Variants in RSPH14 observed in about 807,000 individuals in gnomAD.
The protein encoded by RSPH14 is rhabdoid tumor deletion region gene 1.
RSPH14 carries 20 observed loss-of-function variants against 26.7 expected under a neutral mutation model. The ratio of observed to expected loss-of-function variants is 0.75; its 90% CI spans 0.53 to 1.09. The LOEUF (loss-of-function observed/expected upper bound fraction) is 1.09, where lower values mean the gene tolerates loss of function less well. RSPH14 is among the 50% of genes least tolerant of loss of function. RSPH14 has a pLI of 0.00. For synonymous variants in RSPH14, 177 were observed against 189.3 expected (o/e 0.93, Z 0.53); for missense variants, 449 against 457.2 (o/e 0.98, Z 0.16).
chr22:23,063,743 A>G (rs1206215514), intron 5 of RSPH14, among the ~76,000 whole-genome samples, 159 bp downstream of exon 5: 2 of 151,974 alleles, frequency 1.3e-5, no homozygotes, highest in Non-Finnish European at 1.5e-5. Flanking sequence ...TGGTCACCCT[A>G]GGGGAGAAGG....
chr22:23,165,027 C>A, the RSPH14 span, among the ~76,000 whole-genome samples: 1 of 152,080 alleles, frequency 6.6e-6, no homozygotes, highest in African/African-American at 2.4e-5. Context: ...TCTGTGGACA[C>A]CCCCACAGCT....
At chr22:23,164,710 C>T in the RSPH14 span, among the ~76,000 whole-genome samples, 1 of 152,290 alleles carries the variant, frequency 6.6e-6, no homozygotes, top group East Asian at 1.9e-4. Context: ...GCCGAAACGC[C>T]TTTTTCCTCT....
intron 4 of RSPH14, among the ~76,000 whole-genome samples, chr22:23,116,264 C>T (rs539586975): frequency 6.6e-6 from 1 of 152,336 alleles, no homozygotes; most frequent in African/African-American, 2.4e-5. Context: ...GTTGTGGGAA[C>T]GAGGAGTAAC....
intron 4 of RSPH14, among the ~76,000 whole-genome samples, chr22:23,111,364 G>A (rs114361700): frequency 1.3e-5 from 2 of 152,228 alleles, no homozygotes; most frequent in African/African-American, 2.4e-5. Flanking sequence ...AGAGGCAAGC[G>A]CACTGGACTC....
rs1043090019 is a variant in RSPH14, at chr22:23,086,080, C to T, written c.422-21947G>A. Among the ~76,000 whole-genome samples the T allele has an allele frequency of 1.3e-4, 20 of 152,378 alleles. 1 individual carries two copies. Among genetic ancestry groups the T allele is most frequent in the African/African-American group, 4.8e-4 (20 of 41,600 alleles). On this transcript the variant is annotated intron_variant, in intron 4 of 6. Transcript: ENST00000216036. ...TTTGTATTTAGATTACTTCTGTCTA[C>T]GGCGGGTGACCCTGGCTTTCCACTG...
At chr22:23,097,960 T>C (rs941629987) in intron 4 of RSPH14, among the ~76,000 whole-genome samples, 1 of 152,234 alleles carries the variant, frequency 6.6e-6, no homozygotes, top group Non-Finnish European at 1.5e-5. Context: ...TGCCCACAGG[T>C]GTGCTGGACA....
At chr22:23,113,771 C>G (rs2146370773) in intron 4 of RSPH14, among the ~76,000 whole-genome samples, 1 of 152,356 alleles carries the variant, frequency 6.6e-6, no homozygotes, top group Admixed American at 6.5e-5. Flanking sequence ...CCCAGACCCC[C>G]TCGGCAGCAC....
the RSPH14 span, chr22:23,155,919 G>T: frequency 6.5e-7 from 1 of 1,537,488 alleles, no homozygotes; most frequent in Non-Finnish European, 8.8e-7. Flanking sequence ...AAGACACTGT[G>T]ATTGTGTAGC....
At chr22:23,155,841 C>A in the RSPH14 span, 160 of 787,716 alleles carry the variant, frequency 2.0e-4, 2 homozygotes, top group South Asian at 2.7e-3. Flanking sequence ...ACAGGCACTT[C>A]CTGAAGCCCA....
chr22:23,161,098 T>C, the RSPH14 span: 8 of 1,414,492 alleles, frequency 5.7e-6, no homozygotes, highest in East Asian at 1.9e-4. Context: ...TTTCCTGAAC[T>C]TGTGGCCCTC....
the RSPH14 span, chr22:23,152,352 G>T: frequency 1.8e-6 from 2 of 1,128,398 alleles, no homozygotes; most frequent in Non-Finnish European, 2.7e-6. Flanking sequence ...CTGTGTCCAG[G>T]AGTGAGGGGT....
chr22:23,079,210 C>A (rs1177838101), intron 4 of RSPH14, among the ~76,000 whole-genome samples: 1 of 152,330 alleles, frequency 6.6e-6, no homozygotes, highest in Admixed American at 6.5e-5. Context: ...ATGCTTGGGG[C>A]AAGGCAGCAC....
chr22:23,135,624 G>A (rs187222458), intron 3 of RSPH14, among the ~76,000 whole-genome samples: 3 of 152,184 alleles, frequency 2.0e-5, no homozygotes, highest in African/African-American at 4.8e-5. Flanking sequence ...CAAATCAGAC[G>A]ATGTTATGAG....
At chr22:23,089,494 G>A (rs2068904037) in intron 4 of RSPH14, among the ~76,000 whole-genome samples, 1 of 152,182 alleles carries the variant, frequency 6.6e-6, no homozygotes, top group Non-Finnish European at 1.5e-5. Flanking sequence ...TGCCTGGGGA[G>A]GGAAGTGGTT....
chr22:23,091,517 C>G (rs895506311), intron 4 of RSPH14, among the ~76,000 whole-genome samples: 11 of 151,278 alleles, frequency 7.3e-5, no homozygotes, highest in Admixed American at 2.6e-4. Flanking sequence ...TACATGCACA[C>G]ACACCGCAAT....
intron 4 of RSPH14, among the ~76,000 whole-genome samples, chr22:23,107,002 C>T (rs746498582): frequency 5.9e-5 from 9 of 152,376 alleles, no homozygotes; most frequent in East Asian, 1.9e-4. Flanking sequence ...CGAACTGCTG[C>T]GGAAGGCAGG....
At chr22:23,092,801 C>T (rs1353792799) in intron 4 of RSPH14, among the ~76,000 whole-genome samples, 1 of 152,240 alleles carries the variant, frequency 6.6e-6, no homozygotes, top group East Asian at 1.9e-4. Flanking sequence ...AGCAGCTTCT[C>T]TGCCCACCAC....
At chr22:23,089,311 TGTG>T (rs1253473338) in intron 4 of RSPH14, among the ~76,000 whole-genome samples, 2 of 152,124 alleles carry the variant, frequency 1.3e-5, no homozygotes, top group African/African-American at 4.8e-5. Flanking sequence ...TGCTGGCTGT[TGTG>T]GAGGAGGCCT....
At chr22:23,160,434 C>A in the RSPH14 span, among the ~76,000 whole-genome samples, 2 of 152,204 alleles carry the variant, frequency 1.3e-5, no homozygotes, top group Admixed American at 1.3e-4. Context: ...GAGGAGGATG[C>A]ATAAAGGCTC....
Sources: allele counts gnomAD v4.1 joint callset (sites outside exome capture counted in the v4.1 genomes callset), GRCh38; gene constraint gnomAD v4.1.1; transcripts MANE v1.5; gene names NCBI Gene and HGNC (gene_info 2026-07-23, HGNC 2026-07-21).